AATF: variants seen among roughly 807,000 people sequenced by gnomAD.
AATF encodes apoptosis antagonizing transcription factor, also known as protein AATF.
In AATF, 48 loss-of-function variants were observed where a neutral mutation model predicts 63.7. The ratio of observed to expected loss-of-function variants is 0.75; its 90% CI spans 0.60 to 0.96. AATF has a LOEUF of 0.96. Ranked by LOEUF, AATF falls within the 40% of genes least tolerant of loss-of-function variation. The probability of loss-of-function intolerance (pLI) is 0.00; values close to 1 mark genes in which losing one functional copy is unlikely to be tolerated. For missense variants in AATF, 639 were observed against 685.7 expected (o/e 0.93, Z 0.76); for synonymous variants, 258 against 247.7 (o/e 1.04, Z -0.39).
At chr17:37,039,779 A>G (rs951477724) in intron 11 of AATF, among the ~76,000 whole-genome samples, 2 of 152,124 alleles carry the variant, frequency 1.3e-5, no homozygotes, top group African/African-American at 4.8e-5. Flanking sequence ...GAAAAAAAAC[A>G]CTGCTGTTGT....
chr17:37,046,914 G>C (rs899390909), intron 11 of AATF, among the ~76,000 whole-genome samples: 1 of 152,124 alleles, frequency 6.6e-6, no homozygotes, highest in African/African-American at 2.4e-5. Flanking sequence ...AACAGGAGCT[G>C]TTAGAGGGGC....
intron 4 of AATF, among the ~76,000 whole-genome samples, chr17:36,972,484 T>C (rs1364724055): frequency 6.6e-6 from 1 of 152,174 alleles, no homozygotes; most frequent in Non-Finnish European, 1.5e-5. Context: ...CATTTCCCTT[T>C]GTGTATAGAA....
chr17:37,036,430 T>C lies in AATF; in HGVS notation c.1619+4745T>C, dbSNP rs545135030. Among the ~76,000 whole-genome samples, 410 of 152,248 alleles carry C rather than the reference T, an allele frequency of 2.7e-3. 2 individuals carry two copies. The highest frequency in any genetic ancestry group is 8.8e-3 in the African/African-American group (365 of 41,532). ...GAGAGATCTTTAACACAGGATATTA[T>C]CCTGGTGGTATATCCTGGTGGAGAA... On this transcript the variant is annotated intron_variant, in intron 11 of 11. Transcript: ENST00000619387.
At chr17:36,995,079 A>G (rs900936229) in intron 8 of AATF, among the ~76,000 whole-genome samples, 1 of 152,256 alleles carries the variant, frequency 6.6e-6, no homozygotes, top group Non-Finnish European at 1.5e-5. Context: ...TGACAGATCA[A>G]TACCTGGATT....
chr17:36,975,708 T>C (rs2071074879), intron 4 of AATF, among the ~76,000 whole-genome samples: 1 of 152,226 alleles, frequency 6.6e-6, no homozygotes, highest in South Asian at 2.1e-4. Context: ...GAGCTAGGCA[T>C]ATATAAAACT....
At chr17:36,966,896 G>A (rs1341589237) in intron 4 of AATF, among the ~76,000 whole-genome samples, 1 of 152,090 alleles carries the variant, frequency 6.6e-6, no homozygotes, top group African/African-American at 2.4e-5. Context: ...GAGCCACTGT[G>A]CCCTCATTTT....
intron 11 of AATF, among the ~76,000 whole-genome samples, chr17:37,048,431 C>G (rs1189999166): frequency 1.4e-5 from 2 of 142,102 alleles, no homozygotes; most frequent in Non-Finnish European, 3.0e-5. Context: ...AGTGCAATGG[C>G]ACAATCTCGG....
chr17:36,962,000 T>G (rs2070951324), intron 4 of AATF, among the ~76,000 whole-genome samples: 1 of 152,112 alleles, frequency 6.6e-6, no homozygotes, highest in South Asian at 2.1e-4. Flanking sequence ...TTAAAAAGGC[T>G]TTTGGAATAT....
At chr17:36,981,641 C>T (rs1160986021) in intron 4 of AATF, among the ~76,000 whole-genome samples, 2 of 148,388 alleles carry the variant, frequency 1.3e-5, no homozygotes, top group African/African-American at 5.0e-5. Flanking sequence ...TTTCTTTTTT[C>T]TTCTTCTTCT....
intron 11 of AATF, among the ~76,000 whole-genome samples, chr17:37,042,257 T>C (rs577956478): frequency 6.6e-6 from 1 of 152,198 alleles, no homozygotes; most frequent in African/African-American, 2.4e-5. Flanking sequence ...CAATCTCTCC[T>C]GTATCCCAGA....
At chr17:36,983,001 T>G (rs561445551) in intron 4 of AATF, among the ~76,000 whole-genome samples, 1 of 152,322 alleles carries the variant, frequency 6.6e-6, no homozygotes, top group Admixed American at 6.5e-5. Flanking sequence ...TTAAAGTCCC[T>G]TCTGGGAAAA....
intron 4 of AATF, among the ~76,000 whole-genome samples, chr17:36,958,369 G>A (rs8072194): frequency 0.038 from 5,761 of 152,118 alleles, 363 homozygotes; most frequent in African/African-American, 0.13. Flanking sequence ...GTTTCACCAT[G>A]TTGGCCAGGC....
intron 8 of AATF, chr17:36,999,252 A>T (rs1251490987): frequency 2.0e-5 from 3 of 152,168 alleles, no homozygotes; most frequent in Admixed American, 2.0e-4. Context: ...CTGTAATAAA[A>T]AGTTAAAGAG....
chr17:37,010,025 A>T (rs1229852235), intron 8 of AATF, among the ~76,000 whole-genome samples: 1 of 152,170 alleles, frequency 6.6e-6, no homozygotes, highest in Non-Finnish European at 1.5e-5. Flanking sequence ...CTCTATTCCT[A>T]GGTCGATAAT....
intron 10 of AATF, among the ~76,000 whole-genome samples, chr17:37,022,609 C>T (rs540397491): frequency 5.6e-4 from 85 of 152,252 alleles, no homozygotes; most frequent in African/African-American, 2.0e-3. Flanking sequence ...ACTTAAGACC[C>T]AGACTGCCTG....
rs761647162 is a variant in AATF at position 36,990,894 on chromosome 17, T to G, written c.1398+37T>G. The G allele has an allele frequency of 4.1e-6, 6 of 1,448,120 alleles. No homozygotes were observed. In the South Asian group the frequency reaches 8.1e-5, roughly 19 times the overall value. 89.7% of individuals were successfully genotyped at this position (1,448,120 alleles called of 1,614,324 possible). A position where few individuals can be genotyped will look rare whatever the true frequency, so the allele number is the denominator to read the frequency against. ...ACACTCTCTTGTTACAAATCATGTT[T>G]TAGCATTTTAAAGCAGCTTATAGAA... On this transcript the variant is annotated intron_variant, in intron 8 of 11. Coordinates refer to ENST00000619387, the MANE Select transcript of AATF (RefSeq NM_012138.4).
chr17:37,046,684 G>A (rs1005133669), intron 11 of AATF, among the ~76,000 whole-genome samples: 2 of 151,598 alleles, frequency 1.3e-5, no homozygotes, highest in East Asian at 1.9e-4. Flanking sequence ...TAATTCCTGC[G>A]TGTTGAAGTT....
chr17:37,009,935 T>C (rs1018943769), intron 8 of AATF, among the ~76,000 whole-genome samples: 14 of 151,266 alleles, frequency 9.3e-5, no homozygotes, highest in African/African-American at 3.2e-4. Flanking sequence ...AAGGAGAATA[T>C]TGTGTGGGGA....
intron 1 of AATF, among the ~76,000 whole-genome samples, chr17:36,949,861 G>T (rs996308772): frequency 3.3e-5 from 5 of 152,212 alleles, no homozygotes; most frequent in Non-Finnish European, 7.3e-5. Flanking sequence ...GGACTGTTTA[G>T]CCAGAATAAG....
Sources: allele counts gnomAD v4.1 joint callset (sites outside exome capture counted in the v4.1 genomes callset), GRCh38; gene constraint gnomAD v4.1.1; transcripts MANE v1.5; gene names NCBI Gene and HGNC (gene_info 2026-07-23, HGNC 2026-07-21).